The following ENAH variants were observed in gnomAD, a reference collection of about 807,000 sequenced individuals.
ENAH encodes the protein ENAH actin regulator, also known as protein enabled homolog.
ENAH carries 23 observed loss-of-function variants against 78.7 expected under a neutral mutation model. The observed-to-expected ratio is 0.29, with a 90% confidence interval of 0.21 to 0.41. The LOEUF (loss-of-function observed/expected upper bound fraction) is 0.41, where lower values mean the gene tolerates loss of function less well. Ranked by LOEUF, ENAH falls within the 10% of genes least tolerant of loss-of-function variation. The pLI, the probability that ENAH is intolerant of heterozygous loss-of-function variation, is 1.00. For missense variants in ENAH, 544 were observed against 691.0 expected, an observed-to-expected ratio of 0.79 and a Z score of 2.39; for synonymous variants, 226 against 241.0, an observed-to-expected ratio of 0.94 and a Z score of 0.58.
rs2096248136 is a variant in ENAH, at chr1:225,495,945, T to C, written c.*1830A>G. ...TGACAAAGAAAAAAAAAATCCCTCA[T>C]CCAAACTTCTTTGTAGTGGTAAAGG... On this transcript the variant is annotated 3_prime_UTR_variant, in exon 14 of 14. Coordinates refer to ENST00000366843, the MANE Select transcript of ENAH (RefSeq NM_018212.6). 6.6e-6 allele frequency: 1 copy of C among 152,532 alleles called. No homozygotes were observed. The highest frequency in any genetic ancestry group is 1.5e-5 in the Non-Finnish European group (1 of 68,012). 9.4% of individuals were successfully genotyped at this position (152,532 alleles called of 1,614,324 possible). A position where few individuals can be genotyped will look rare whatever the true frequency, so the allele number is the denominator to read the frequency against.
At chr1:225,621,496 T>G (rs1477563984) in intron 1 of ENAH, among the ~76,000 whole-genome samples, 6 of 151,486 alleles carry the variant, frequency 4.0e-5, no homozygotes, top group Admixed American at 2.6e-4. Flanking sequence ...GTTTCACCGT[T>G]TTAGCCGGGA....
intron 1 of ENAH, among the ~76,000 whole-genome samples, chr1:225,587,911 TG>T (rs1469942744): frequency 6.6e-6 from 1 of 152,102 alleles, no homozygotes; most frequent in Non-Finnish European, 1.5e-5. Flanking sequence ...TAAGTGGTGC[TG>T]GAACAACTGG....
chr1:225,545,037 G>A (rs2096606824), intron 3 of ENAH, among the ~76,000 whole-genome samples: 1 of 152,168 alleles, frequency 6.6e-6, no homozygotes, highest in Admixed American at 6.6e-5. Flanking sequence ...ACAGCAATTA[G>A]GAATAATTTT....
intron 3 of ENAH, among the ~76,000 whole-genome samples, chr1:225,537,388 A>T (rs2096566971): frequency 6.6e-6 from 1 of 152,144 alleles, no homozygotes; most frequent in Admixed American, 6.6e-5. Context: ...CTTTCCACTG[A>T]CTTTAATTTC....
chr1:225,504,819 A>T (rs998200910), intron 11 of ENAH, among the ~76,000 whole-genome samples: 1 of 152,212 alleles, frequency 6.6e-6, no homozygotes, highest in African/African-American at 2.4e-5. Flanking sequence ...TACCATTTGT[A>T]TTTATCCTTG....
At chr1:225,519,021 CAGAG>C (rs953902152) in intron 5 of ENAH, 173 bp downstream of exon 5, 2 of 1,043,896 alleles carry the variant, frequency 1.9e-6, no homozygotes, top group African/African-American at 3.2e-5. Flanking sequence ...AAAAGCAATA[CAGAG>C]AGAAATAAAA....
intron 6 of ENAH, among the ~76,000 whole-genome samples, chr1:225,516,138 A>G (rs2096415501): frequency 6.6e-6 from 1 of 152,200 alleles, no homozygotes; most frequent in African/African-American, 2.4e-5. Flanking sequence ...CTTACAAATA[A>G]TCCACTTAGA....
Position 225,513,134 on chromosome 1 carries a change from AT to A in ENAH, c.1219-119del, listed in dbSNP as rs2096390101. 18 of 925,982 alleles carry A rather than the reference AT, an allele frequency of 1.9e-5. No individual in the cohort carries two copies. The South Asian group carries it at 3.2e-4, about 16-fold the overall frequency. The allele number at this position is 925,982 out of a possible 1,614,324, so 57.4% of individuals were successfully genotyped here. On this transcript the variant is annotated intron_variant, in intron 7 of 13. Transcript: ENST00000366843. Reference sequence around the variant, plus strand: ...ATTAATTTTAAAAAACCTAAATATTATTTTTTAAGCTTTAAGAACCAATAGA... The same window carrying A: ...ATTAATTTTAAAAAACCTAAATATTATTTTTAAGCTTTAAGAACCAATAGA...
intron 1 of ENAH, among the ~76,000 whole-genome samples, chr1:225,598,851 C>CAA (rs547584715): frequency 1.4e-4 from 20 of 139,164 alleles, no homozygotes; most frequent in African/African-American, 4.4e-4. Context: ...TTGATTCAGG[C>CAA]AAAAAAAAAA....
intron 1 of ENAH, among the ~76,000 whole-genome samples, chr1:225,625,010 T>C (rs543747261): frequency 6.6e-6 from 1 of 152,286 alleles, no homozygotes; most frequent in Admixed American, 6.5e-5. Flanking sequence ...AGAACTGTGG[T>C]CAACAATGGG....
intron 3 of ENAH, among the ~76,000 whole-genome samples, chr1:225,538,295 A>G (rs2096572132): frequency 6.6e-6 from 1 of 152,138 alleles, no homozygotes; most frequent in Admixed American, 6.5e-5. Flanking sequence ...GAAGGGAGGC[A>G]GATACTGCAG....
intron 3 of ENAH, among the ~76,000 whole-genome samples, chr1:225,553,611 C>T (rs927607726): frequency 6.6e-6 from 1 of 151,882 alleles, no homozygotes; most frequent in Admixed American, 6.6e-5. Flanking sequence ...AGCTTCTTCC[C>T]TATGGTAAAA....
At chr1:225,506,365 T>G (rs2096329502) in intron 11 of ENAH, among the ~76,000 whole-genome samples, 1 of 152,192 alleles carries the variant, frequency 6.6e-6, no homozygotes, top group South Asian at 2.1e-4. Flanking sequence ...TTTTTGTATT[T>G]TTAGTAGAGA....
At chr1:225,641,985 C>T (rs530319953) in intron 1 of ENAH, among the ~76,000 whole-genome samples, 11 of 151,908 alleles carry the variant, frequency 7.2e-5, no homozygotes, top group African/African-American at 2.4e-5. Flanking sequence ...TGCACCACTG[C>T]ACTCCGGCCT....
chr1:225,499,360 T>C (rs749246512), intron 12 of ENAH, among the ~76,000 whole-genome samples: 18 of 152,232 alleles, frequency 1.2e-4, no homozygotes, highest in Non-Finnish European at 2.2e-4. Flanking sequence ...ACTGTGGTGC[T>C]CTGGGCCCTC....
chr1:225,608,654 A>C (rs1258197165), intron 1 of ENAH, among the ~76,000 whole-genome samples: 1 of 151,814 alleles, frequency 6.6e-6, no homozygotes, highest in Non-Finnish European at 1.5e-5. Context: ...CGTCTCTACT[A>C]ACAATACAAA....
intron 1 of ENAH, among the ~76,000 whole-genome samples, chr1:225,583,451 A>AG (rs1243325152): frequency 6.6e-6 from 1 of 150,388 alleles, no homozygotes; most frequent in Non-Finnish European, 1.5e-5. Flanking sequence ...AAAAAAAAAA[A>AG]AAGAGAGAGA....
chr1:225,550,953 G>A (rs772554732), intron 3 of ENAH, among the ~76,000 whole-genome samples: 4 of 151,638 alleles, frequency 2.6e-5, no homozygotes, highest in Non-Finnish European at 4.4e-5. Context: ...ATAAAAGTTG[G>A]GCAAATTTGC....
intron 1 of ENAH, among the ~76,000 whole-genome samples, chr1:225,580,912 C>CAAAAAAAAAAAAAAAAAA (rs78529288): frequency 3.1e-5 from 2 of 63,884 alleles, no homozygotes; most frequent in Non-Finnish European, 3.3e-5. Context: ...AGAAAAAAAC[C>CAAAAAAAAAAAAAAAAAA]AAAAAAAAAA....
Sources: gnomAD v4.1 joint callset for allele counts (sites outside exome capture counted in the v4.1 genomes callset) on GRCh38, gnomAD v4.1.1 for gene constraint, MANE v1.5 for transcripts, NCBI Gene and HGNC (gene_info 2026-07-23, HGNC 2026-07-21) for gene names.